The following ADARB2 variants were observed in gnomAD, a reference collection of about 807,000 sequenced individuals.
ADARB2 encodes the protein adenosine deaminase RNA specific B2 (inactive).
A neutral mutation model predicts 62.2 loss-of-function variants in ADARB2; 25 were observed. The observed-to-expected ratio is 0.40, with a 90% CI of 0.29 to 0.56. The LOEUF (loss-of-function observed/expected upper bound fraction) is 0.56. Among genes scored for constraint, ADARB2 ranks in the 20% least tolerant of loss-of-function variants. The pLI, the probability that ADARB2 is intolerant of heterozygous loss-of-function variation, is 0.43. For missense variants in ADARB2, 1,071 were observed against 1,077.4 expected (o/e 0.99, Z 0.08); for synonymous variants, 572 against 500.8 (o/e 1.14, Z -1.90).
chr10:1,327,267 AC>A (rs1831871472), intron 3 of ADARB2, among the ~76,000 whole-genome samples: 1 of 91,452 alleles, frequency 1.1e-5, no homozygotes, highest in African/African-American at 4.2e-5. Flanking sequence ...GCGCCTCCTC[AC>A]TGCACAGCGC....
chr10:1,624,097 G>T (rs927397601), intron 1 of ADARB2, among the ~76,000 whole-genome samples: 7 of 152,172 alleles, frequency 4.6e-5, no homozygotes, highest in African/African-American at 1.7e-4. Flanking sequence ...AGCCTGGCAT[G>T]GTGGCACGCA....
At chr10:1,470,086 C>T (rs912864687) in intron 1 of ADARB2, among the ~76,000 whole-genome samples, 1 of 152,190 alleles carries the variant, frequency 6.6e-6, no homozygotes, top group Non-Finnish European at 1.5e-5. Flanking sequence ...GTCATCCAGC[C>T]TGACCCTCTC....
chr10:1,219,802 CAATGGTGAT>C (rs1830666353), intron 6 of ADARB2, among the ~76,000 whole-genome samples: 2 of 140,080 alleles, frequency 1.4e-5, no homozygotes, highest in Admixed American at 1.4e-4. Context: ...ATAATGATGG[CAATGGTGAT>C]GATGGTGATG....
intron 1 of ADARB2, among the ~76,000 whole-genome samples, chr10:1,725,803 G>A (rs1835156285): frequency 6.6e-6 from 1 of 152,198 alleles, no homozygotes; most frequent in African/African-American, 2.4e-5. Context: ...AAGCTATCCT[G>A]GGAAACACTA....
intron 3 of ADARB2, among the ~76,000 whole-genome samples, chr10:1,346,144 C>T (rs150884322): frequency 9.7e-4 from 148 of 152,256 alleles, no homozygotes; most frequent in African/African-American, 3.3e-3. Flanking sequence ...ATTCACAATT[C>T]CACCGTGTGC....
intron 3 of ADARB2, among the ~76,000 whole-genome samples, chr10:1,273,475 T>G (rs1348874001): frequency 6.6e-6 from 1 of 152,172 alleles, no homozygotes; most frequent in Non-Finnish European, 1.5e-5. Flanking sequence ...ACAGTTGCCA[T>G]GAACGACGTC....
At chr10:1,248,400 T>A (rs1003059560) in intron 4 of ADARB2, among the ~76,000 whole-genome samples, 2 of 136,104 alleles carry the variant, frequency 1.5e-5, no homozygotes, top group Non-Finnish European at 1.6e-5. Flanking sequence ...ACTTAGGAAG[T>A]CCTCCTGAGG....
At chr10:1,569,974 A>G (rs1832913168) in intron 1 of ADARB2, among the ~76,000 whole-genome samples, 1 of 152,178 alleles carries the variant, frequency 6.6e-6, no homozygotes, top group Non-Finnish European at 1.5e-5. Context: ...TCTTCCTTGA[A>G]TATATTACTA....
chr10:1,369,857 C>T (rs1156537089), intron 2 of ADARB2, among the ~76,000 whole-genome samples: 1 of 152,196 alleles, frequency 6.6e-6, no homozygotes, highest in East Asian at 1.9e-4. Flanking sequence ...TCTCAGGAAG[C>T]TGTCTCCAAA....
At chr10:1,424,301 C>T (rs558119019) in intron 1 of ADARB2, among the ~76,000 whole-genome samples, 4 of 152,282 alleles carry the variant, frequency 2.6e-5, no homozygotes, top group East Asian at 3.9e-4. Context: ...TAGGGCTACA[C>T]ACCTAACTAC....
chr10:1,395,689 C>T (rs928582331), intron 1 of ADARB2, among the ~76,000 whole-genome samples: 8 of 152,162 alleles, frequency 5.3e-5, no homozygotes, highest in African/African-American at 1.4e-4. Flanking sequence ...ACCATCCCGG[C>T]GTCGCAGACC....
rs1432411152 is a variant in ADARB2 at position 1,262,316 on chromosome 10, T to TAATAATAATAATAAC, written c.1192+8638_1192+8639insGTTATTATTATTATT. Among the ~76,000 whole-genome samples the TAATAATAATAATAAC allele has an allele frequency of 2.2e-5, 3 of 137,862 alleles. 1 individual carries two copies. Among genetic ancestry groups the TAATAATAATAATAAC allele is most frequent in the African/African-American group, 9.2e-5 (3 of 32,770 alleles). 90.4% of individuals were successfully genotyped at this position (137,862 alleles called of 152,430 possible). A position where few individuals can be genotyped will look rare whatever the true frequency, so the allele number is the denominator to read the frequency against. On this transcript the variant is annotated intron_variant, in intron 4 of 9. Coordinates refer to ENST00000381312, the MANE Select transcript of ADARB2 (RefSeq NM_018702.4). Reference sequence around the variant, plus strand: ...ATAATAATAATAATAATAATAATAATAATAAAAGAAACCACCATCAGAGTG... The same window carrying TAATAATAATAATAAC: ...ATAATAATAATAATAATAATAATAATAATAATAATAATAACAATAAAAGAAACCACCATCAGAGTG...
intron 1 of ADARB2, among the ~76,000 whole-genome samples, chr10:1,487,920 A>G (rs190445540): frequency 7.6e-4 from 116 of 152,282 alleles, no homozygotes; most frequent in African/African-American, 2.6e-3. Flanking sequence ...CAAACAAACA[A>G]ACAAACAGAT....
At chr10:1,712,211 C>A (rs1463356400) in intron 1 of ADARB2, among the ~76,000 whole-genome samples, 1 of 152,176 alleles carries the variant, frequency 6.6e-6, no homozygotes, top group African/African-American at 2.4e-5. Flanking sequence ...TGACTATTTT[C>A]TTTTTATGAC....
chr10:1,563,061 C>T (rs997330542), intron 1 of ADARB2, among the ~76,000 whole-genome samples: 19 of 152,138 alleles, frequency 1.2e-4, no homozygotes, highest in Admixed American at 2.6e-4. Context: ...CTGTGTCCTC[C>T]GCACGTGACC....
At chr10:1,381,658 TA>T (rs1267153990) in intron 1 of ADARB2, among the ~76,000 whole-genome samples, 1 of 152,074 alleles carries the variant, frequency 6.6e-6, no homozygotes. Context: ...TAGGCAGCCT[TA>T]AAAAAAGGGA....
At chr10:1,696,652 T>C (rs2119134768) in intron 1 of ADARB2, among the ~76,000 whole-genome samples, 1 of 152,320 alleles carries the variant, frequency 6.6e-6, no homozygotes, top group South Asian at 2.1e-4. Flanking sequence ...GGACAGGCTG[T>C]GCCTCCGCTG....
intron 1 of ADARB2, among the ~76,000 whole-genome samples, chr10:1,518,134 C>T (rs1832029298): frequency 6.6e-6 from 1 of 152,210 alleles, no homozygotes; most frequent in Admixed American, 6.5e-5. Flanking sequence ...AAAGCAAGTG[C>T]TCCAGCAGCG....
chr10:1,277,827 C>G (rs1193372566), intron 3 of ADARB2, among the ~76,000 whole-genome samples: 1 of 152,210 alleles, frequency 6.6e-6, no homozygotes, highest in East Asian at 1.9e-4. Flanking sequence ...ACCAATATCC[C>G]TGATGAACAT....
Sources: allele counts gnomAD v4.1 joint callset (sites outside exome capture counted in the v4.1 genomes callset), GRCh38; gene constraint gnomAD v4.1.1; transcripts MANE v1.5; gene names NCBI Gene and HGNC (gene_info 2026-07-23, HGNC 2026-07-21).